The following CDKAL1 variants were observed in gnomAD, a reference collection of about 807,000 sequenced individuals.
CDKAL1 encodes threonylcarbamoyladenosine tRNA methylthiotransferase.
In CDKAL1, 32 loss-of-function variants were observed where a neutral mutation model predicts 68.2. That is an observed-to-expected ratio of 0.47 (90% CI 0.35 to 0.63). The LOEUF is 0.63. Among genes scored for constraint, CDKAL1 ranks in the 30% least tolerant of loss-of-function variants. The pLI, the probability that CDKAL1 is intolerant of heterozygous loss-of-function variation, is 0.00. For missense variants in CDKAL1, 606 were observed against 696.7 expected, an observed-to-expected ratio of 0.87 and a Z score of 1.47; for synonymous variants, 234 against 244.3, an observed-to-expected ratio of 0.96 and a Z score of 0.39.
At chr6:20,839,107 T>C (rs957763703) in intron 8 of CDKAL1, among the ~76,000 whole-genome samples, 18 of 126,720 alleles carry the variant, frequency 1.4e-4, no homozygotes, top group Admixed American at 8.4e-5. Flanking sequence ...ATTTTCTTGC[T>C]TTTTTTTTCC....
At chr6:20,729,977 C>T (rs1446506051) in intron 5 of CDKAL1, among the ~76,000 whole-genome samples, 1 of 152,082 alleles carries the variant, frequency 6.6e-6, no homozygotes, top group African/African-American at 2.4e-5. Flanking sequence ...GACATTCATG[C>T]TCTGGAGGAA....
rs1774654761 is a variant in CDKAL1 at position 20,765,403 on chromosome 6, G to A, written c.517+6760G>A. ...GATCTCCTGACCTCGTGATCCGCCCGCCTCGGCCTCCCAAAGTGCTGGGAT... is the reference window on the plus strand; with the variant it reads ...GATCTCCTGACCTCGTGATCCGCCCACCTCGGCCTCCCAAAGTGCTGGGAT... On this transcript the variant is annotated intron_variant, in intron 7 of 15. Transcript: ENST00000274695. Among the ~76,000 whole-genome samples, 2 of 30,336 alleles carry A rather than the reference G, an allele frequency of 6.6e-5. 1 individual carries two copies. Among genetic ancestry groups the A allele is most frequent in the East Asian group, 8.8e-3 (2 of 226 alleles). 19.9% of individuals were successfully genotyped at this position (30,336 alleles called of 152,430 possible).
chr6:20,717,717 G>A (rs1042363994), intron 5 of CDKAL1, among the ~76,000 whole-genome samples: 58 of 152,252 alleles, frequency 3.8e-4, no homozygotes, highest in African/African-American at 1.3e-3. Context: ...AGCAATATAT[G>A]TCTGAATATG....
chr6:20,848,644 A>G (rs1758825931), intron 9 of CDKAL1, among the ~76,000 whole-genome samples: 1 of 152,152 alleles, frequency 6.6e-6, no homozygotes, highest in East Asian at 1.9e-4. Flanking sequence ...ATTCCCAACC[A>G]TGGAATGTTT....
At chr6:20,909,185 ATGTGTG>A (rs57042223) in intron 9 of CDKAL1, among the ~76,000 whole-genome samples, 24,581 of 119,158 alleles carry the variant, frequency 0.21, 2,410 homozygotes, top group Middle Eastern at 0.29. Flanking sequence ...GTGTGCATGT[ATGTGTG>A]TGTGTGTGTG....
At chr6:20,603,491 A>G (rs974011837) in intron 4 of CDKAL1, among the ~76,000 whole-genome samples, 2 of 152,138 alleles carry the variant, frequency 1.3e-5, no homozygotes, top group Non-Finnish European at 2.9e-5. Flanking sequence ...CCTTCACTCC[A>G]TGTGTATGGT....
rs76942719 is a variant in CDKAL1, at chr6:20,818,395, C to G, written c.639-27680C>G. ...TGTATTATAAATAGCAATCCAGCATCAATAATTATCTCTTTTGAGTGTTTT... is the reference window on the plus strand; with the variant it reads ...TGTATTATAAATAGCAATCCAGCATGAATAATTATCTCTTTTGAGTGTTTT... On this transcript the variant is annotated intron_variant, in intron 8 of 15. Transcript: ENST00000274695. Among the ~76,000 whole-genome samples the G allele has an allele frequency of 2.1e-3, 316 of 152,194 alleles. 9 individuals carry two copies. Among genetic ancestry groups the G allele is most frequent in the Admixed American group, 0.011 (165 of 15,286 alleles).
chr6:20,572,523 A>G (rs1234935726), intron 4 of CDKAL1, among the ~76,000 whole-genome samples: 1 of 152,286 alleles, frequency 6.6e-6, no homozygotes, highest in East Asian at 1.9e-4. Flanking sequence ...AAGTTCAGCC[A>G]GTGTGTGCAT....
At chr6:20,632,918 G>A (rs1006922709) in intron 4 of CDKAL1, among the ~76,000 whole-genome samples, 3 of 152,170 alleles carry the variant, frequency 2.0e-5, no homozygotes, top group Non-Finnish European at 2.9e-5. Context: ...CGTGTACACT[G>A]CTCTATGAAA....
intron 13 of CDKAL1, among the ~76,000 whole-genome samples, chr6:21,116,917 G>A (rs540895517): frequency 3.1e-4 from 47 of 152,254 alleles, no homozygotes; most frequent in African/African-American, 1.1e-3. Flanking sequence ...AACTAGCAAA[G>A]GGACAAAGAG....
intron 15 of CDKAL1, among the ~76,000 whole-genome samples, chr6:21,225,686 C>T (rs1240973091): frequency 6.6e-6 from 1 of 152,136 alleles, no homozygotes; most frequent in African/African-American, 2.4e-5. Flanking sequence ...TCTGAACCTG[C>T]GTTCAGTTTG....
intron 10 of CDKAL1, among the ~76,000 whole-genome samples, chr6:20,960,325 T>TTAGATAAC (rs1326400830): frequency 3.3e-5 from 5 of 152,160 alleles, no homozygotes; most frequent in African/African-American, 1.2e-4. Context: ...GTTCGAAAGG[T>TTAGATAAC]TAGATAACTG....
At chr6:20,606,815 G>A (rs1438699454) in intron 4 of CDKAL1, among the ~76,000 whole-genome samples, 11 of 152,290 alleles carry the variant, frequency 7.2e-5, no homozygotes, top group South Asian at 4.1e-4. Context: ...CTGCCAATGC[G>A]TTTTTGATGG....
intron 10 of CDKAL1, among the ~76,000 whole-genome samples, chr6:20,988,538 C>G (rs1047844641): frequency 6.6e-6 from 1 of 152,064 alleles, no homozygotes; most frequent in African/African-American, 2.4e-5. Context: ...TGTTACACAC[C>G]CATCATGTAC....
chr6:20,900,998 A>T (rs1229039894), intron 9 of CDKAL1, among the ~76,000 whole-genome samples: 1 of 152,158 alleles, frequency 6.6e-6, no homozygotes, highest in East Asian at 1.9e-4. Context: ...TTTCATATTC[A>T]TGACAAGGTA....
intron 2 of CDKAL1, 88 bp from the exon 3 acceptor site, chr6:20,546,258 A>G: frequency 9.9e-7 from 1 of 1,013,828 alleles, no homozygotes; most frequent in Non-Finnish European, 1.4e-6. Context: ...GCTTGATTAG[A>G]TTCAAATTTG....
intron 13 of CDKAL1, among the ~76,000 whole-genome samples, chr6:21,118,329 A>G (rs889035182): frequency 6.6e-6 from 1 of 152,192 alleles, no homozygotes; most frequent in Non-Finnish European, 1.5e-5. Flanking sequence ...AAGACTGTCA[A>G]GGGTCCTGTG....
At chr6:21,045,859 A>G (rs201328) in intron 11 of CDKAL1, among the ~76,000 whole-genome samples, 16,615 of 152,172 alleles carry the variant, frequency 0.11, 1,151 homozygotes, top group Middle Eastern at 0.16. Flanking sequence ...GTCTCAAGTC[A>G]CTATTCAATG....
At chr6:20,734,863 C>CT (rs34104100) in intron 5 of CDKAL1, among the ~76,000 whole-genome samples, 37,479 of 87,238 alleles carry the variant, frequency 0.43, 8,608 homozygotes, top group Non-Finnish European at 0.49. Context: ...TGCTGCACCT[C>CT]TTTTTTTTTT....
Sources: allele counts gnomAD v4.1 joint callset (sites outside exome capture counted in the v4.1 genomes callset), GRCh38; gene constraint gnomAD v4.1.1; transcripts MANE v1.5; gene names NCBI Gene and HGNC (gene_info 2026-07-23, HGNC 2026-07-21).